MAP7: variants seen among roughly 807,000 people sequenced by gnomAD.
The protein encoded by MAP7 is microtubule associated protein 7.
In MAP7, 52 loss-of-function variants were observed where a neutral mutation model predicts 94.8. That is an observed-to-expected ratio of 0.55 (90% CI 0.44 to 0.69). The LOEUF (loss-of-function observed/expected upper bound fraction) is 0.69, where lower values mean the gene tolerates loss of function less well. Among genes scored for constraint, MAP7 ranks in the 30% least tolerant of loss-of-function variants. MAP7 has a pLI of 0.00. For synonymous variants in MAP7, 350 were observed against 357.0 expected, an observed-to-expected ratio of 0.98 and a Z score of 0.22; for missense variants, 940 against 964.6, an observed-to-expected ratio of 0.97 and a Z score of 0.34.
At chr6:136,455,000 C>G (rs1453503881) in intron 1 of MAP7, among the ~76,000 whole-genome samples, 1 of 152,004 alleles carries the variant, frequency 6.6e-6, no homozygotes, top group Non-Finnish European at 1.5e-5. Flanking sequence ...CAAAAATTGC[C>G]TTAAACTTAT....
At chr6:136,504,111 A>T (rs1022584589) in intron 1 of MAP7, among the ~76,000 whole-genome samples, 1 of 152,176 alleles carries the variant, frequency 6.6e-6, no homozygotes, top group Non-Finnish European at 1.5e-5. Flanking sequence ...TAGCAAACTG[A>T]TATGTTAATA....
chr6:136,531,358 T>C (rs764362489), intron 1 of MAP7, among the ~76,000 whole-genome samples: 1 of 144,742 alleles, frequency 6.9e-6, no homozygotes, highest in Non-Finnish European at 1.5e-5. Flanking sequence ...GCAGTTTAAT[T>C]TAGTGTTTAA....
chr6:136,381,919 C>CACAGAG lies in MAP7; in HGVS notation c.637+1751_637+1752insCTCTGT, dbSNP rs373754692. Among the ~76,000 whole-genome samples, 172 of 103,032 alleles carry CACAGAG rather than the reference C, an allele frequency of 1.7e-3. 1 individual carries two copies. The highest frequency in any genetic ancestry group is 3.9e-3 in the African/African-American group (102 of 26,070). The allele number at this position is 103,032 out of a possible 152,430, so 67.6% of individuals were successfully genotyped here. A position where few individuals can be genotyped will look rare whatever the true frequency, so the allele number is the denominator to read the frequency against. Reference sequence around the variant, plus strand: ...ACACACACACACACACACACACACACAGAGAGAGAGAGAGAGAATGCATGG... The same window carrying CACAGAG: ...ACACACACACACACACACACACACACACAGAGAGAGAGAGAGAGAGAGAATGCATGG... On this transcript the variant is annotated intron_variant, in intron 6 of 17. Coordinates refer to ENST00000354570, the MANE Select transcript of MAP7 (RefSeq NM_003980.6).
At chr6:136,481,733 T>C (rs1812905846) in intron 1 of MAP7, among the ~76,000 whole-genome samples, 1 of 152,214 alleles carries the variant, frequency 6.6e-6, no homozygotes, top group Non-Finnish European at 1.5e-5. Context: ...AACAATTTAT[T>C]GTACATTTAA....
chr6:136,420,081 A>C (rs1790792945), intron 2 of MAP7: 1 of 838,724 alleles, frequency 1.2e-6, no homozygotes. Flanking sequence ...TGGAGGGGTC[A>C]GTCTCCAACT....
In MAP7 at chr6:136,390,379, G is replaced by C. The variant is rs377499557; in HGVS notation, c.245-862C>G. Among the ~76,000 whole-genome samples, 47 of 152,284 alleles carry C rather than the reference G, an allele frequency of 3.1e-4. 1 individual carries two copies. Among genetic ancestry groups the C allele is most frequent in the African/African-American group, 1.1e-3 (45 of 41,566 alleles). On this transcript the variant is annotated intron_variant, in intron 3 of 17. Transcript: ENST00000354570. The stretch of plus-strand genomic sequence containing the variant: ...TTTTAAAAGAAAAAACAGGCCAGGT[G>C]CAGTGGCTCATGCCTGTAATCCCAG...
intron 1 of MAP7, among the ~76,000 whole-genome samples, chr6:136,516,561 T>G (rs1824901235): frequency 1.3e-5 from 2 of 152,070 alleles, no homozygotes; most frequent in Non-Finnish European, 2.9e-5. Context: ...AGGGAAGAGC[T>G]CCAAGCGAGA....
intron 2 of MAP7, among the ~76,000 whole-genome samples, chr6:136,416,757 G>T (rs1789586599): frequency 6.6e-6 from 1 of 151,220 alleles, no homozygotes; most frequent in African/African-American, 2.4e-5. Context: ...ACTGAGCCAA[G>T]ATCGCACCAC....
intron 1 of MAP7, among the ~76,000 whole-genome samples, chr6:136,523,735 C>G (rs1827068923): frequency 6.6e-6 from 1 of 152,136 alleles, no homozygotes; most frequent in African/African-American, 2.4e-5. Flanking sequence ...GCCCTTCCCA[C>G]CACTATGGGC....
intron 1 of MAP7, among the ~76,000 whole-genome samples, chr6:136,429,709 T>A (rs996457847): frequency 6.6e-6 from 1 of 152,200 alleles, no homozygotes; most frequent in Non-Finnish European, 1.5e-5. Flanking sequence ...TCTGACACAT[T>A]GCGCTGACAG....
chr6:136,363,026 A>G (rs1280876814), intron 10 of MAP7, among the ~76,000 whole-genome samples: 2 of 152,230 alleles, frequency 1.3e-5, no homozygotes, highest in Non-Finnish European at 2.9e-5. Flanking sequence ...TACACTGAGC[A>G]AAAAGAAGAT....
rs551390371 is a variant in MAP7 at position 136,383,714 on chromosome 6, C to T, written c.594G>A (p.Arg198=). ...GTAAAGTTGCAGATGAAGAGGAGAG[C>T]CGCTTGCTAATGACGGGATCAACAT... The part of the protein sequence containing the change: ...SKYVDPVISK[R]LSSSSATLLN... Residue 198 remains arginine, a synonymous_variant, in exon 6 of 18, where the codon CGG becomes CGA. Coordinates refer to ENST00000354570, the MANE Select transcript of MAP7 (RefSeq NM_003980.6). 25 of 1,610,612 alleles carry T rather than the reference C, an allele frequency of 1.6e-5. No homozygotes were observed. In the South Asian group the frequency reaches 2.7e-4, roughly 17 times the overall value.
intron 5 of MAP7, 136 bp downstream of exon 5, chr6:136,388,257 T>C: frequency 1.4e-6 from 1 of 723,868 alleles, no homozygotes; most frequent in Non-Finnish European, 2.4e-6. Context: ...CCTCAAATAG[T>C]GAAAGATTCA....
Position 136,372,411 on chromosome 6 carries a change from C to T in MAP7, c.876+90G>A, listed in dbSNP as rs143090537. On this transcript the variant is annotated intron_variant, in intron 8 of 17. Transcript: ENST00000354570. ...TGGATGTCACGGTCTCCCCCTCTTACGCCCACACCACAGCTCAGGGTCATG... is the reference window on the plus strand; with the variant it reads ...TGGATGTCACGGTCTCCCCCTCTTATGCCCACACCACAGCTCAGGGTCATG... 1,751 of 1,470,834 alleles carry T rather than the reference C, an allele frequency of 1.2e-3. 5 individuals carry two copies. Among genetic ancestry groups the T allele is most frequent in the South Asian group, 2.4e-3 (188 of 77,410 alleles). The allele number at this position is 1,470,834 out of a possible 1,614,324, so 91.1% of individuals were successfully genotyped here.
intron 1 of MAP7, among the ~76,000 whole-genome samples, chr6:136,497,459 T>C (rs1239568819): frequency 6.6e-6 from 1 of 151,730 alleles, no homozygotes. Context: ...ATTTTGTCTT[T>C]GTTATCTTAT....
chr6:136,493,751 A>G (rs934136346), intron 1 of MAP7, among the ~76,000 whole-genome samples: 3 of 152,168 alleles, frequency 2.0e-5, no homozygotes, highest in Admixed American at 6.5e-5. Context: ...TTGGGATTCA[A>G]TTATTTTTCA....
At chr6:136,458,674 A>G (rs770484852) in intron 1 of MAP7, among the ~76,000 whole-genome samples, 1 of 152,144 alleles carries the variant, frequency 6.6e-6, no homozygotes, top group Non-Finnish European at 1.5e-5. Context: ...GGGAAAGGAC[A>G]GTCTCTTTAA....
At chr6:136,439,184 A>C (rs1169203589) in intron 1 of MAP7, among the ~76,000 whole-genome samples, 1 of 152,206 alleles carries the variant, frequency 6.6e-6, no homozygotes, top group African/African-American at 2.4e-5. Context: ...CCAATGTGAT[A>C]GTGCTAAGAG....
At chr6:136,449,530 G>A (rs531173065) in intron 1 of MAP7, among the ~76,000 whole-genome samples, 1 of 152,284 alleles carries the variant, frequency 6.6e-6, no homozygotes, top group African/African-American at 2.4e-5. Context: ...GTTACAGCCC[G>A]GCATTTGCCT....
Sources: allele counts gnomAD v4.1 joint callset (sites outside exome capture counted in the v4.1 genomes callset), GRCh38; gene constraint gnomAD v4.1.1; transcripts MANE v1.5; gene names NCBI Gene and HGNC (gene_info 2026-07-23, HGNC 2026-07-21).